Variants in EDIL3 observed in about 807,000 individuals in gnomAD.
EDIL3 encodes the protein EGF-like repeat and discoidin I-like domain-containing protein 3.
Under a neutral mutation model 67.4 loss-of-function variants are expected in EDIL3, and 37 were observed. That is an observed-to-expected ratio of 0.55 (90% CI 0.42 to 0.72). EDIL3 has a LOEUF of 0.72. Among genes scored for constraint, EDIL3 ranks in the 30% least tolerant of loss-of-function variants. The pLI, the probability that EDIL3 is intolerant of heterozygous loss-of-function variation, is 0.00. For missense variants in EDIL3, 527 were observed against 586.3 expected, an observed-to-expected ratio of 0.90 and a Z score of 1.04; for synonymous variants, 195 against 196.3, an observed-to-expected ratio of 0.99 and a Z score of 0.05.
At position 84,213,685 on chromosome 5, in the gene EDIL3, G is replaced by T. The variant is rs529518058; in HGVS notation, c.226+16170C>A. On this transcript the variant is annotated intron_variant, in intron 3 of 10. Coordinates refer to ENST00000296591, the MANE Select transcript of EDIL3 (RefSeq NM_005711.5). ...TAGATATGAAACATATCTAAATCTTGTTGAATTCTAGCAGTTGAAGATCTG... is the reference window on the plus strand; with the variant it reads ...TAGATATGAAACATATCTAAATCTTTTTGAATTCTAGCAGTTGAAGATCTG... 2.0e-5 allele frequency among the ~76,000 whole-genome samples: 3 copies of T among 152,200 alleles called. No individual in the cohort carries two copies. In the East Asian group the frequency reaches 5.8e-4, roughly 29 times the overall value.
chr5:84,076,242 G>A (rs1378625314), intron 6 of EDIL3, among the ~76,000 whole-genome samples: 1 of 151,996 alleles, frequency 6.6e-6, no homozygotes. Flanking sequence ...AATATAGGAA[G>A]AAAATGTAGC....
chr5:84,027,458 T>C (rs921886769), intron 9 of EDIL3, among the ~76,000 whole-genome samples: 1 of 152,210 alleles, frequency 6.6e-6, no homozygotes, highest in Non-Finnish European at 1.5e-5. Context: ...ATAGTTTTCA[T>C]GTACTAGTTG....
At chr5:84,236,082 A>T (rs1445749) in intron 2 of EDIL3, among the ~76,000 whole-genome samples, 1 of 151,876 alleles carries the variant, frequency 6.6e-6, no homozygotes. Context: ...TTTTAACAGC[A>T]ATTACCAGTG....
rs181508831 is a variant in EDIL3 at position 84,206,523 on chromosome 5, G to A, written c.226+23332C>T. On this transcript the variant is annotated intron_variant, in intron 3 of 10. Coordinates refer to ENST00000296591, the MANE Select transcript of EDIL3 (RefSeq NM_005711.5). ...ACTATTCCAATCAATAGAAAAAGAG[G>A]GAATCCTCCCTAACTCATTTTATGA... Among the ~76,000 whole-genome samples, 791 of 152,116 alleles carry A rather than the reference G, an allele frequency of 5.2e-3. 12 individuals are homozygous for A. Among genetic ancestry groups the A allele is most frequent in the African/African-American group, 0.018 (745 of 41,450 alleles).
chr5:84,267,566 A>G lies in EDIL3; in HGVS notation c.68-13354T>C, dbSNP rs374079187. Among the ~76,000 whole-genome samples, 54 of 152,320 alleles carry G rather than the reference A, an allele frequency of 3.5e-4. No individual in the cohort carries two copies. The South Asian group carries it at 0.011, about 31-fold the overall frequency. ...AAAAGGAACCCATCTATGGCTTCCA[A>G]TCTTCCTTGGAAAATTTTTTGAATG... On this transcript the variant is annotated intron_variant, in intron 1 of 10. Transcript: ENST00000296591.
chr5:83,969,303 C>T (rs1744751022), intron 9 of EDIL3, among the ~76,000 whole-genome samples: 1 of 151,648 alleles, frequency 6.6e-6, no homozygotes, highest in African/African-American at 2.4e-5. Context: ...CAATCATAGT[C>T]CTTTCATCCT....
At chr5:84,161,758 G>T (rs1748617097) in intron 4 of EDIL3, among the ~76,000 whole-genome samples, 1 of 151,922 alleles carries the variant, frequency 6.6e-6, no homozygotes, top group Non-Finnish European at 1.5e-5. Context: ...TGGAGAAGTG[G>T]GACCTCACCT....
chr5:84,176,202 T>TATATATATATATATATATATATATA (rs1748905310), intron 4 of EDIL3, among the ~76,000 whole-genome samples: 1 of 10,098 alleles, frequency 9.9e-5, no homozygotes, highest in Non-Finnish European at 1.8e-4. Context: ...ATATATAATA[T>TATATATATATATATATATATATATA]ATATATATAT....
chr5:84,253,376 C>A (rs1745070334), intron 2 of EDIL3, among the ~76,000 whole-genome samples: 1 of 152,092 alleles, frequency 6.6e-6, no homozygotes, highest in African/African-American at 2.4e-5. Context: ...AAAATTATTT[C>A]TCTCTTTAGT....
chr5:83,990,230 C>T (rs2112158226), intron 9 of EDIL3, among the ~76,000 whole-genome samples: 1 of 152,156 alleles, frequency 6.6e-6, no homozygotes, highest in East Asian at 1.9e-4. Flanking sequence ...GGCTCATGAC[C>T]ATAATCCCAG....
chr5:84,160,158 A>T (rs1748577996), intron 4 of EDIL3, among the ~76,000 whole-genome samples: 1 of 152,266 alleles, frequency 6.6e-6, no homozygotes, highest in South Asian at 2.1e-4. Context: ...TTTGACAGAC[A>T]ACTCCAGTGA....
In EDIL3 at chr5:84,209,160, A is replaced by G. The variant is rs983973283; in HGVS notation, c.226+20695T>C. 3.8e-4 allele frequency among the ~76,000 whole-genome samples: 58 copies of G among 150,690 alleles called. 1 individual carries two copies. Among genetic ancestry groups the G allele is most frequent in the South Asian group, 6.4e-4 (3 of 4,676 alleles). The stretch of plus-strand genomic sequence containing the variant: ...AAACACCGCATGTTCTCACTCATAG[A>G]TGGGAATTGAACAATGAGAACACAT... On this transcript the variant is annotated intron_variant, in intron 3 of 10. Coordinates refer to ENST00000296591, the MANE Select transcript of EDIL3 (RefSeq NM_005711.5).
intron 5 of EDIL3, among the ~76,000 whole-genome samples, chr5:84,120,531 T>C (rs540918759): frequency 6.6e-6 from 1 of 152,166 alleles, no homozygotes; most frequent in East Asian, 1.9e-4. Flanking sequence ...ACAGATGCCG[T>C]GGCATGAAAA....
At chr5:84,037,985 C>CTTTTTTTTTTTTTTTTTTTTTTTTT (rs1580292622) in intron 9 of EDIL3, among the ~76,000 whole-genome samples, 1 of 99,648 alleles carries the variant, frequency 1.0e-5, no homozygotes, top group African/African-American at 5.3e-5. Flanking sequence ...TTCTTTCTTT[C>CTTTTTTTTTTTTTTTTTTTTTTTTT]TTGTTTTTTT....
intron 4 of EDIL3, among the ~76,000 whole-genome samples, chr5:84,160,819 C>CCTTTCCTTTCCTTTCCTTTCCTTT (rs1258829510): frequency 1.2e-4 from 8 of 69,128 alleles, no homozygotes; most frequent in African/African-American, 5.0e-4. Context: ...CCTTTCCTTT[C>CCTTTCCTTTCCTTTCCTTTCCTTT]CCTTTCCTTT....
At chr5:84,119,407 T>G (rs554345649) in intron 5 of EDIL3, among the ~76,000 whole-genome samples, 27 of 152,144 alleles carry the variant, frequency 1.8e-4, no homozygotes, top group Admixed American at 5.2e-4. Flanking sequence ...ATATTTATCA[T>G]CAGATATTTC....
At chr5:84,368,102 T>A (rs1442764551) in intron 1 of EDIL3, among the ~76,000 whole-genome samples, 1 of 152,192 alleles carries the variant, frequency 6.6e-6, no homozygotes, top group African/African-American at 2.4e-5. Flanking sequence ...ATTGAGGGCT[T>A]GAAACTTTCA....
At chr5:84,167,596 C>T (rs1204641339) in intron 4 of EDIL3, among the ~76,000 whole-genome samples, 1 of 152,060 alleles carries the variant, frequency 6.6e-6, no homozygotes, top group Non-Finnish European at 1.5e-5. Context: ...ATTCTGAAAA[C>T]CAATAATACC....
intron 1 of EDIL3, among the ~76,000 whole-genome samples, chr5:84,331,492 C>T (rs1746870269): frequency 6.6e-6 from 1 of 152,126 alleles, no homozygotes; most frequent in Non-Finnish European, 1.5e-5. Context: ...TTATAAGGGG[C>T]TTTGCCCTGC....
Sources: allele counts gnomAD v4.1 joint callset (sites outside exome capture counted in the v4.1 genomes callset), GRCh38; gene constraint gnomAD v4.1.1; transcripts MANE v1.5; gene names NCBI Gene and HGNC (gene_info 2026-07-23, HGNC 2026-07-21).